Variants in WSCD2 observed in about 807,000 individuals in gnomAD.
The protein encoded by WSCD2 is sialate:O-sulfotransferase 2.
In WSCD2, 28 loss-of-function variants were observed where a neutral mutation model predicts 55.7. The ratio of observed to expected loss-of-function variants is 0.50; its 90% confidence interval spans 0.37 to 0.69. WSCD2 has a LOEUF of 0.69. Ranked by LOEUF, WSCD2 falls within the 30% of genes least tolerant of loss-of-function variation. The pLI, the probability that WSCD2 is intolerant of heterozygous loss-of-function variation, is 0.00. For synonymous variants in WSCD2, 301 were observed against 301.9 expected (o/e 1.00, Z 0.03); for missense variants, 616 against 762.1 (o/e 0.81, Z 2.26).
chr12:108,207,762 C>G (rs1198869250), intron 3 of WSCD2, among the ~76,000 whole-genome samples: 1 of 151,922 alleles, frequency 6.6e-6, no homozygotes, highest in Non-Finnish European at 1.5e-5. Context: ...AAATCCTGAG[C>G]CCAGGACCCT....
At position 108,247,995 on chromosome 12, in the gene WSCD2, G is replaced by T. The variant is rs1890203580; in HGVS notation, c.1350G>T (p.Trp450Cys). ...AAHAHWKGKE[W>C]PEFVRNYAPW... ...TCCTTTCTCCTCTCTCTGCAGAGTG[G>T]CCAGAGTTCGTGAGGAACTATGCCC... is the stretch of plus-strand genomic sequence containing the variant. The change falls in exon 9 of 9, where the codon TGG (tryptophan) becomes TGT (cysteine). Residue 450 changes from tryptophan (W) to cysteine (C), a missense_variant. Coordinates refer to ENST00000547525, the MANE Select transcript of WSCD2 (RefSeq NM_014653.4). The T allele has an allele frequency of 6.2e-7, 1 of 1,611,134 alleles. No homozygotes were observed. Among genetic ancestry groups the T allele is most frequent in the Non-Finnish European group, 8.5e-7 (1 of 1,177,626 alleles).
chr12:108,214,548 T>C (rs1391909495), intron 4 of WSCD2, among the ~76,000 whole-genome samples: 2 of 152,182 alleles, frequency 1.3e-5, no homozygotes, highest in African/African-American at 2.4e-5. Flanking sequence ...CTCCCAGGGA[T>C]AGAGACCTGC....
intron 8 of WSCD2, 100 bp downstream of exon 8, chr12:108,240,644 C>A: frequency 7.3e-7 from 1 of 1,366,666 alleles, no homozygotes; most frequent in Non-Finnish European, 9.9e-7. Flanking sequence ...CAGCAGGAGG[C>A]AATGCCTCAT....
intron 1 of WSCD2, among the ~76,000 whole-genome samples, chr12:108,174,731 C>T (rs1474679366): frequency 6.6e-6 from 1 of 152,236 alleles, no homozygotes; most frequent in East Asian, 1.9e-4. Context: ...CCTTCTGCCT[C>T]AGCCTCATGA....
At chr12:108,198,271 A>G (rs915311254) in intron 2 of WSCD2, among the ~76,000 whole-genome samples, 10 of 151,920 alleles carry the variant, frequency 6.6e-5, no homozygotes, top group Non-Finnish European at 1.3e-4. Flanking sequence ...CTGAATACCT[A>G]TTTGTTGAAT....
At chr12:108,215,254 A>G (rs1422686578) in intron 4 of WSCD2, among the ~76,000 whole-genome samples, 2 of 152,194 alleles carry the variant, frequency 1.3e-5, no homozygotes, top group Non-Finnish European at 2.9e-5. Context: ...TATTGGGAGC[A>G]ATGCAGGTTT....
At chr12:108,159,973 G>T (rs577418131) in intron 1 of WSCD2, among the ~76,000 whole-genome samples, 1 of 152,346 alleles carries the variant, frequency 6.6e-6, no homozygotes, top group Admixed American at 6.5e-5. Flanking sequence ...CCCAACCAGG[G>T]CTCTGCGAGG....
rs560303406 is a variant in WSCD2, at chr12:108,188,306, T to C, written c.-551-6976T>C. On this transcript the variant is annotated intron_variant, in intron 1 of 8. Coordinates refer to ENST00000547525, the MANE Select transcript of WSCD2 (RefSeq NM_014653.4). ...CAACATACGGGTGTGCCTAGGAACCTGGTGAAGCTTTCCTGGTGTGTACAT... is the reference window on the plus strand; with the variant it reads ...CAACATACGGGTGTGCCTAGGAACCCGGTGAAGCTTTCCTGGTGTGTACAT... 4.6e-5 allele frequency among the ~76,000 whole-genome samples: 7 copies of C among 152,206 alleles called. No individual in the cohort carries two copies. In the East Asian group the frequency reaches 1.4e-3, roughly 29 times the overall value.
At chr12:108,167,818 G>C (rs1879815695) in intron 1 of WSCD2, among the ~76,000 whole-genome samples, 1 of 152,218 alleles carries the variant, frequency 6.6e-6, no homozygotes, top group Non-Finnish European at 1.5e-5. Context: ...GTAGGAGAGA[G>C]ATATGGGCCA....
intron 1 of WSCD2, among the ~76,000 whole-genome samples, chr12:108,148,678 G>A (rs1877654672): frequency 6.6e-6 from 1 of 152,096 alleles, no homozygotes; most frequent in African/African-American, 2.4e-5. Flanking sequence ...GTAGAACCAG[G>A]CTGGAACCTA....
chr12:108,199,681 A>G (rs1593001965), intron 2 of WSCD2, among the ~76,000 whole-genome samples: 1 of 152,232 alleles, frequency 6.6e-6, no homozygotes, highest in African/African-American at 2.4e-5. Context: ...TACATCTATT[A>G]CATCACATAA....
In WSCD2 at chr12:108,228,358, C is replaced by T. The variant is rs73399837; in HGVS notation, c.979+1194C>T. Among the ~76,000 whole-genome samples the T allele has an allele frequency of 4.1e-3, 625 of 152,324 alleles. 5 individuals carry two copies. Among genetic ancestry groups the T allele is most frequent in the African/African-American group, 0.015 (610 of 41,566 alleles). Reference sequence around the variant, plus strand: ...TATGATCAGGGCAGTATCATCCCCACTTTACAGATGACAGAACTAAAATTC... The same window carrying T: ...TATGATCAGGGCAGTATCATCCCCATTTTACAGATGACAGAACTAAAATTC... On this transcript the variant is annotated intron_variant, in intron 6 of 8. Coordinates refer to ENST00000547525, the MANE Select transcript of WSCD2 (RefSeq NM_014653.4).
chr12:108,240,686 G>T, intron 8 of WSCD2, 142 bp downstream of exon 8: 1 of 982,306 alleles, frequency 1.0e-6, no homozygotes, highest in Non-Finnish European at 1.5e-6. Flanking sequence ...CCTGGAGGGC[G>T]CGTGTCATGC....
chr12:108,162,742 T>G (rs1296844445), intron 1 of WSCD2, among the ~76,000 whole-genome samples: 1 of 152,154 alleles, frequency 6.6e-6, no homozygotes, highest in East Asian at 1.9e-4. Context: ...CTTTTCTCTC[T>G]CCAAATGACC....
intron 1 of WSCD2, among the ~76,000 whole-genome samples, chr12:108,135,394 G>GGTTCC (rs1179641536): frequency 6.6e-6 from 1 of 152,216 alleles, no homozygotes; most frequent in African/African-American, 2.4e-5. Flanking sequence ...CCCTTTACTG[G>GGTTCC]AAGGAACTTC....
At chr12:108,148,270 G>C (rs1019249823) in intron 1 of WSCD2, among the ~76,000 whole-genome samples, 1 of 152,246 alleles carries the variant, frequency 6.6e-6, no homozygotes, top group Non-Finnish European at 1.5e-5. Context: ...CCTGAGGTGG[G>C]GAAGGGGTGG....
chr12:108,154,808 G>T (rs1450027997), intron 1 of WSCD2, among the ~76,000 whole-genome samples: 1 of 152,072 alleles, frequency 6.6e-6, no homozygotes, highest in Non-Finnish European at 1.5e-5. Flanking sequence ...GAATCCAAAT[G>T]AACTCATTAT....
intron 1 of WSCD2, among the ~76,000 whole-genome samples, chr12:108,194,339 G>T (rs577991373): frequency 6.6e-6 from 1 of 152,154 alleles, no homozygotes; most frequent in Non-Finnish European, 1.5e-5. Flanking sequence ...GCTGGTGACC[G>T]GGAGGCTGTA....
chr12:108,214,397 C>T (rs954177460), intron 4 of WSCD2, among the ~76,000 whole-genome samples: 4 of 152,224 alleles, frequency 2.6e-5, no homozygotes, highest in African/African-American at 4.8e-5. Context: ...TGCAGGCACC[C>T]TGCTATTCTG....
Sources: allele counts gnomAD v4.1 joint callset (sites outside exome capture counted in the v4.1 genomes callset), GRCh38; gene constraint gnomAD v4.1.1; transcripts MANE v1.5; gene names NCBI Gene and HGNC (gene_info 2026-07-23, HGNC 2026-07-21).